Variants in UBAC2 observed in about 807,000 individuals in gnomAD.
UBAC2 encodes the protein ubiquitin-associated domain-containing protein 2.
Under a neutral mutation model 44.0 loss-of-function variants are expected in UBAC2, and 26 were observed. The observed-to-expected ratio is 0.59, with a 90% CI of 0.43 to 0.82. The LOEUF (loss-of-function observed/expected upper bound fraction) is 0.82, where lower values mean the gene tolerates loss of function less well. Ranked by LOEUF, UBAC2 falls within the 40% of genes least tolerant of loss-of-function variation. UBAC2 has a pLI of 0.00. For missense variants in UBAC2, 329 were observed against 419.4 expected (o/e 0.78, Z 1.88); for synonymous variants, 155 against 154.3 (o/e 1.00, Z -0.04).
intron 4 of UBAC2, among the ~76,000 whole-genome samples, chr13:99,291,713 CTA>C (rs2044091250): frequency 6.6e-6 from 1 of 152,132 alleles, no homozygotes; most frequent in Non-Finnish European, 1.5e-5. Context: ...GGCATACGCT[CTA>C]TATTGTGTAA....
At chr13:99,332,044 C>T (rs1380573920) in intron 6 of UBAC2, among the ~76,000 whole-genome samples, 6 of 152,004 alleles carry the variant, frequency 3.9e-5, no homozygotes, top group African/African-American at 7.3e-5. Flanking sequence ...CCTTGTCATG[C>T]AGAGGCAATA....
intron 5 of UBAC2, among the ~76,000 whole-genome samples, chr13:99,317,399 G>T (rs2044507618): frequency 3.3e-5 from 5 of 151,892 alleles, no homozygotes; most frequent in Admixed American, 3.3e-4. Flanking sequence ...TAAACGATTT[G>T]GAAAACAAAG....
At chr13:99,247,906 T>A (rs1348859157) in intron 4 of UBAC2, among the ~76,000 whole-genome samples, 1 of 151,272 alleles carries the variant, frequency 6.6e-6, no homozygotes, top group Non-Finnish European at 1.5e-5. Context: ...ATATAGGAAC[T>A]TCTCTTATAA....
chr13:99,256,721 A>AC (rs1213091362), intron 4 of UBAC2, among the ~76,000 whole-genome samples: 1 of 151,594 alleles, frequency 6.6e-6, no homozygotes, highest in African/African-American at 2.4e-5. Flanking sequence ...AAAAAAAAAA[A>AC]AACCGTCCAT....
Position 99,295,791 on chromosome 13 carries a change from C to T in UBAC2, c.390-18306C>T, listed in dbSNP as rs779283249. 6.2e-7 allele frequency: 1 copy of T among 1,613,382 alleles called. No individual in the cohort carries two copies. The highest frequency in any genetic ancestry group is 1.3e-5 in the African/African-American group (1 of 74,934). On this transcript the variant is annotated intron_variant, in intron 4 of 8. Coordinates refer to ENST00000403766, the MANE Select transcript of UBAC2 (RefSeq NM_001144072.2). This position sits in a 1 kb window ranked among gnomAD's most constrained non-coding sequence, Gnocchi z 4.1. ...ATACTCAGGCAGGTCATAAAGTTCA[C>T]ACCTGCATATGTGTTGATGTAAAAC...
In UBAC2 at chr13:99,242,690, C is replaced by T. The variant is rs1244190302; in HGVS notation, c.160-1142C>T. Among the ~76,000 whole-genome samples the T allele has an allele frequency of 2.1e-3, 216 of 102,476 alleles. 3 individuals are homozygous for T. Among genetic ancestry groups the T allele is most frequent in the Non-Finnish European group, 3.6e-3 (168 of 47,004 alleles). The allele number at this position is 102,476 out of a possible 152,430, so 67.2% of individuals were successfully genotyped here. On this transcript the variant is annotated intron_variant, in intron 2 of 8. Transcript: ENST00000403766. The stretch of plus-strand genomic sequence containing the variant: ...GCTGGCCGGGCGGGGGGCTGACCCC[C>T]CCCACCTCCCTCCCCGACGGGGCGG...
intron 2 of UBAC2, among the ~76,000 whole-genome samples, chr13:99,239,984 A>G (rs2043281908): frequency 6.6e-6 from 1 of 152,182 alleles, no homozygotes; most frequent in Admixed American, 6.5e-5. Context: ...TTAATTAGCA[A>G]TGAAGAGAGG....
chr13:99,332,059 G>A (rs1355320238), intron 6 of UBAC2, among the ~76,000 whole-genome samples: 5 of 152,064 alleles, frequency 3.3e-5, no homozygotes, highest in Non-Finnish European at 7.4e-5. Context: ...GCAATATCAT[G>A]CCCCTGGGAA....
chr13:99,274,911 T>A (rs1031638495), intron 4 of UBAC2, among the ~76,000 whole-genome samples: 3 of 151,734 alleles, frequency 2.0e-5, no homozygotes, highest in Non-Finnish European at 4.4e-5. Flanking sequence ...AGAGATGAGG[T>A]TTCTCCATGT....
chr13:99,324,437 G>A (rs1164344130), intron 6 of UBAC2, among the ~76,000 whole-genome samples: 1 of 152,214 alleles, frequency 6.6e-6, no homozygotes, highest in Non-Finnish European at 1.5e-5. Flanking sequence ...GAGAGGGGCA[G>A]CTCCTCAGAC....
chr13:99,250,436 A>G (rs1211244690), intron 4 of UBAC2, among the ~76,000 whole-genome samples: 1 of 152,164 alleles, frequency 6.6e-6, no homozygotes. Flanking sequence ...TTTTTGTACC[A>G]GTACCATGCT....
chr13:99,326,667 G>A (rs1395145744), intron 6 of UBAC2, among the ~76,000 whole-genome samples: 4 of 152,086 alleles, frequency 2.6e-5, no homozygotes, highest in Non-Finnish European at 5.9e-5. Flanking sequence ...TTTAAAGATA[G>A]GGAGGCTGAG....
At chr13:99,246,698 G>T (rs573217679) in intron 4 of UBAC2, among the ~76,000 whole-genome samples, 1 of 152,288 alleles carries the variant, frequency 6.6e-6, no homozygotes, top group African/African-American at 2.4e-5. Flanking sequence ...TTTGAAGTTG[G>T]TGGGAATACT....
intron 8 of UBAC2, among the ~76,000 whole-genome samples, chr13:99,383,917 C>T (rs1289839317): frequency 6.6e-6 from 1 of 152,256 alleles, no homozygotes; most frequent in African/African-American, 2.4e-5. Flanking sequence ...CTCTCTGCAC[C>T]TTCTTCCTCA....
intron 4 of UBAC2, among the ~76,000 whole-genome samples, chr13:99,282,581 A>G (rs901332686): frequency 3.9e-5 from 6 of 152,350 alleles, no homozygotes; most frequent in African/African-American, 1.4e-4. Context: ...AGAAATAAAG[A>G]TATTTATAAC....
intron 1 of UBAC2, chr13:99,231,291 C>G (rs1294225268): frequency 3.3e-5 from 5 of 152,126 alleles, no homozygotes. Context: ...AGCTGCCCAC[C>G]TTGAATGGTG....
chr13:99,259,982 C>A (rs1447786984), intron 4 of UBAC2, among the ~76,000 whole-genome samples: 2 of 152,154 alleles, frequency 1.3e-5, no homozygotes, highest in Non-Finnish European at 2.9e-5. Context: ...TTGGGGTGAG[C>A]TCTCACTTTT....
chr13:99,247,277 C>G (rs373718246), intron 4 of UBAC2, among the ~76,000 whole-genome samples: 11 of 151,160 alleles, frequency 7.3e-5, no homozygotes, highest in African/African-American at 2.4e-4. Flanking sequence ...TGCAGTGGCG[C>G]GATCTCGGCT....
At chr13:99,318,632 G>A (rs1363699603) in intron 6 of UBAC2, among the ~76,000 whole-genome samples, 1 of 150,782 alleles carries the variant, frequency 6.6e-6, no homozygotes, top group Non-Finnish European at 1.5e-5. Flanking sequence ...CATCCTGGCT[G>A]ACATGATGAA....
Sources: gnomAD v4.1 joint callset for allele counts (sites outside exome capture counted in the v4.1 genomes callset) on GRCh38, gnomAD v4.1.1 for gene constraint, Gnocchi (gnomAD v3.1) non-coding constraint, MANE v1.5 for transcripts, NCBI Gene and HGNC (gene_info 2026-07-23, HGNC 2026-07-21) for gene names.